The following HUNK variants were observed in gnomAD, a reference collection of about 807,000 sequenced individuals.
HUNK encodes hormonally up-regulated Neu-associated kinase, also known as hormonally up-regulated neu tumor-associated kinase.
In HUNK, 21 loss-of-function variants were observed where a neutral mutation model predicts 61.0. The ratio of observed to expected loss-of-function variants is 0.34; its 90% confidence interval spans 0.24 to 0.50. The LOEUF (loss-of-function observed/expected upper bound fraction) is 0.50. Ranked by LOEUF, HUNK falls within the 20% of genes least tolerant of loss-of-function variation. The pLI is 0.98. For missense variants in HUNK, 772 were observed against 945.7 expected (o/e 0.82, Z 2.41); for synonymous variants, 371 against 386.1 (o/e 0.96, Z 0.46).
intron 1 of HUNK, among the ~76,000 whole-genome samples, chr21:31,923,183 C>G (rs540240749): frequency 6.6e-6 from 1 of 152,160 alleles, no homozygotes; most frequent in Admixed American, 6.5e-5. Context: ...GTGACTCACG[C>G]CTTTGACGCC....
At chr21:31,900,728 T>G (rs988043782) in intron 1 of HUNK, among the ~76,000 whole-genome samples, 2 of 152,192 alleles carry the variant, frequency 1.3e-5, no homozygotes, top group African/African-American at 2.4e-5. Context: ...GGGTTTATCG[T>G]GTTTATTGTT....
At chr21:31,904,513 T>A (rs2052491465) in intron 1 of HUNK, among the ~76,000 whole-genome samples, 1 of 152,146 alleles carries the variant, frequency 6.6e-6, no homozygotes, top group Admixed American at 6.5e-5. Flanking sequence ...ATTTAGAAAG[T>A]CATAAGCTGG....
At chr21:31,971,828 GA>G (rs1372038088) in intron 6 of HUNK, among the ~76,000 whole-genome samples, 1 of 110,954 alleles carries the variant, frequency 9.0e-6, no homozygotes, top group African/African-American at 4.3e-5. Context: ...TCCAGGTGCA[GA>G]CTTTTTTTTT....
chr21:31,928,170 G>T (rs904214594), intron 2 of HUNK, among the ~76,000 whole-genome samples: 4 of 152,164 alleles, frequency 2.6e-5, no homozygotes. Flanking sequence ...GACTCCGCAG[G>T]TCACAGTGGA....
chr21:31,954,058 C>A (rs1459261438), intron 4 of HUNK, among the ~76,000 whole-genome samples: 1 of 152,162 alleles, frequency 6.6e-6, no homozygotes, highest in Non-Finnish European at 1.5e-5. Flanking sequence ...CAGTTGGTGA[C>A]AAGAAGGCAA....
chr21:31,895,536 T>G (rs949511116), intron 1 of HUNK, among the ~76,000 whole-genome samples: 8 of 152,142 alleles, frequency 5.3e-5, no homozygotes, highest in African/African-American at 1.9e-4. Flanking sequence ...TACGTGGTGG[T>G]TTTGGCTTTC....
At chr21:31,965,275 C>T (rs912914317) in intron 5 of HUNK, among the ~76,000 whole-genome samples, 1 of 146,986 alleles carries the variant, frequency 6.8e-6, no homozygotes, top group Admixed American at 6.9e-5. Context: ...AAGAGGGGAA[C>T]AATAGACACT....
intron 2 of HUNK, among the ~76,000 whole-genome samples, chr21:31,938,800 G>A (rs2052749565): frequency 6.6e-6 from 1 of 152,184 alleles, no homozygotes; most frequent in Non-Finnish European, 1.5e-5. Context: ...TTTTTACATA[G>A]TTAACATTCA....
chr21:31,921,735 T>A (rs977443057), intron 1 of HUNK, among the ~76,000 whole-genome samples: 3 of 152,204 alleles, frequency 2.0e-5, no homozygotes, highest in African/African-American at 7.2e-5. Flanking sequence ...ACCCTGGGGG[T>A]GGCCAGACTT....
At chr21:31,979,828 G>A (rs1375527815) in intron 7 of HUNK, among the ~76,000 whole-genome samples, 1 of 151,996 alleles carries the variant, frequency 6.6e-6, no homozygotes, top group Non-Finnish European at 1.5e-5. Flanking sequence ...TTCTTTATAT[G>A]TTCTTTGTCA....
chr21:31,898,969 TTGTAA>T (rs1432494701), intron 1 of HUNK, among the ~76,000 whole-genome samples: 4 of 152,184 alleles, frequency 2.6e-5, no homozygotes, highest in South Asian at 2.1e-4. Flanking sequence ...TTACAAACAC[TTGTAA>T]TGTATGTTAT....
At chr21:31,973,131 T>C (rs1389417950) in intron 6 of HUNK, among the ~76,000 whole-genome samples, 1 of 150,556 alleles carries the variant, frequency 6.6e-6, no homozygotes, top group Admixed American at 6.6e-5. Context: ...TGTATCACTC[T>C]TTTTATTTAT....
At chr21:31,881,044 G>T (rs1200019864) in intron 1 of HUNK, among the ~76,000 whole-genome samples, 2 of 152,252 alleles carry the variant, frequency 1.3e-5, no homozygotes, top group Non-Finnish European at 2.9e-5. Context: ...CAGGCAAGGG[G>T]CATGGCCTCG....
chr21:31,974,394 C>G, intron 6 of HUNK, 161 bp from the exon 7 acceptor site: 1 of 633,754 alleles, frequency 1.6e-6, no homozygotes, highest in South Asian at 2.4e-5. Flanking sequence ...AGTGATTGTA[C>G]TATTCCCTCC....
chr21:31,975,213 C>G (rs2053040332), intron 7 of HUNK, among the ~76,000 whole-genome samples: 1 of 152,204 alleles, frequency 6.6e-6, no homozygotes, highest in Non-Finnish European at 1.5e-5. Flanking sequence ...CACCTTCCCT[C>G]AGTCTGAGTG....
At chr21:31,923,215 G>A (rs1311022559) in intron 1 of HUNK, among the ~76,000 whole-genome samples, 2 of 152,158 alleles carry the variant, frequency 1.3e-5, no homozygotes, top group Non-Finnish European at 2.9e-5. Flanking sequence ...AGGCTGACAA[G>A]GAGAATCACT....
chr21:31,916,730 G>A (rs539648911), intron 1 of HUNK, among the ~76,000 whole-genome samples: 1 of 151,122 alleles, frequency 6.6e-6, no homozygotes, highest in East Asian at 2.0e-4. Context: ...AGGCTGGAGT[G>A]CAATGGAGCT....
rs901734803 is a variant in HUNK, at chr21:31,878,080, G to A, written c.261+4145G>A. On this transcript the variant is annotated intron_variant, in intron 1 of 10. Transcript: ENST00000270112. ...TCTAGATCAGCCTGGCCAACATGGT[G>A]AAACCCTGTCTCTAATAAAAATGCA... Among the ~76,000 whole-genome samples, 20 of 151,694 alleles carry A rather than the reference G, an allele frequency of 1.3e-4. 1 individual carries two copies. The highest frequency in any genetic ancestry group is 2.8e-4 in the Non-Finnish European group (19 of 67,948).
chr21:31,875,016 C>T (rs1198825377), intron 1 of HUNK, among the ~76,000 whole-genome samples: 1 of 152,204 alleles, frequency 6.6e-6, no homozygotes, highest in African/African-American at 2.4e-5. Flanking sequence ...TCATCTCGGG[C>T]TCAAGACTGC....
Sources: allele counts gnomAD v4.1 joint callset (sites outside exome capture counted in the v4.1 genomes callset), GRCh38; gene constraint gnomAD v4.1.1; transcripts MANE v1.5; gene names NCBI Gene and HGNC (gene_info 2026-07-23, HGNC 2026-07-21).